Variants in SNX29 observed in about 807,000 individuals in gnomAD.
SNX29 encodes the protein sorting nexin 29.
Under a neutral mutation model 102.1 loss-of-function variants are expected in SNX29, and 78 were observed. That is an observed-to-expected ratio of 0.76 (90% confidence interval 0.64 to 0.92). The LOEUF (loss-of-function observed/expected upper bound fraction) is 0.92, where lower values mean the gene tolerates loss of function less well. SNX29 is among the 40% of genes least tolerant of loss of function. The pLI is 0.00. For missense variants in SNX29, 1,280 were observed against 1,061.7 expected (o/e 1.21, Z -2.86); for synonymous variants, 580 against 414.5 (o/e 1.40, Z -4.85).
rs775436053 is a variant in SNX29, at chr16:12,570,631, A to C, written c.*2002A>C. 1 of 232,236 alleles carries C rather than the reference A, an allele frequency of 4.3e-6. No individual in the cohort carries two copies. Among genetic ancestry groups the C allele is most frequent in the Non-Finnish European group, 8.5e-6 (1 of 117,458 alleles). The allele number at this position is 232,236 out of a possible 1,614,324, so 14.4% of individuals were successfully genotyped here. A position where few individuals can be genotyped will look rare whatever the true frequency, so the allele number is the denominator to read the frequency against. On this transcript the variant is annotated 3_prime_UTR_variant, in exon 21 of 21. Transcript: ENST00000566228. ...CTCCCTGTTCTCTGTTGGATAAAGG[A>C]ACCTCCCCCATCTGTGACATTCCCT... is the stretch of plus-strand genomic sequence containing the variant.
intron 3 of SNX29, among the ~76,000 whole-genome samples, chr16:12,016,461 T>C (rs549943620): frequency 6.6e-6 from 1 of 152,100 alleles, no homozygotes; most frequent in Non-Finnish European, 1.5e-5. Context: ...GGCACAAGAG[T>C]GTCATTGCTA....
intron 15 of SNX29, among the ~76,000 whole-genome samples, chr16:12,318,544 G>A (rs2080829318): frequency 6.6e-6 from 1 of 152,100 alleles, no homozygotes; most frequent in Non-Finnish European, 1.5e-5. Flanking sequence ...CAACTCACAG[G>A]TAGAACCAGG....
At chr16:12,217,624 G>C (rs192947444) in intron 14 of SNX29, among the ~76,000 whole-genome samples, 213 of 152,342 alleles carry the variant, frequency 1.4e-3, no homozygotes, top group African/African-American at 5.0e-3. Flanking sequence ...TGTTTCAGCA[G>C]TAAGATGGCC....
chr16:11,976,955 C>T lies in SNX29; in HGVS notation c.7+142C>T, dbSNP rs943270511. ...TCGCTCCCTTTTCCAGACCCCTGGC[C>T]CCCAGGACTCCCGGCTCGTGGCCCC... On this transcript the variant is annotated intron_variant, in intron 1 of 20. Coordinates refer to ENST00000566228, the MANE Select transcript of SNX29 (RefSeq NM_032167.5). 38 of 1,091,774 alleles carry T rather than the reference C, an allele frequency of 3.5e-5. 1 individual carries two copies. The highest frequency in any genetic ancestry group is 3.5e-4 in the Middle Eastern group (1 of 2,886). The allele number at this position is 1,091,774 out of a possible 1,614,324, so 67.6% of individuals were successfully genotyped here.
intron 11 of SNX29, chr16:12,088,234 C>T (rs1364630035): frequency 9.8e-6 from 4 of 408,436 alleles, no homozygotes; most frequent in Admixed American, 5.3e-5. Context: ...GCTGATCCAG[C>T]ACCTGCAGAA....
chr16:12,526,729 A>T, intron 20 of SNX29: 1 of 464,816 alleles, frequency 2.2e-6, no homozygotes, highest in South Asian at 1.9e-5. Context: ...GATACTCCTG[A>T]TGCTGAGAGT....
chr16:12,202,613 G>A (rs146242768), intron 14 of SNX29, among the ~76,000 whole-genome samples: 7 of 152,306 alleles, frequency 4.6e-5, no homozygotes, highest in African/African-American at 1.7e-4. Flanking sequence ...AATGGCGTTG[G>A]ACACCCTTTC....
chr16:12,224,891 G>T (rs1371830152), intron 14 of SNX29, among the ~76,000 whole-genome samples: 1 of 152,120 alleles, frequency 6.6e-6, no homozygotes, highest in Non-Finnish European at 1.5e-5. Context: ...CAGATCTGTG[G>T]CTGTACATAG....
chr16:12,278,403 ACATT>A (rs1228959897), intron 15 of SNX29, among the ~76,000 whole-genome samples: 1 of 152,182 alleles, frequency 6.6e-6, no homozygotes, highest in Non-Finnish European at 1.5e-5. Flanking sequence ...TTTCAGAAAA[ACATT>A]CATTATCAGA....
chr16:12,279,856 G>T (rs1037825119), intron 15 of SNX29, among the ~76,000 whole-genome samples: 5 of 152,368 alleles, frequency 3.3e-5, no homozygotes, highest in African/African-American at 1.2e-4. Context: ...CAGAATGAAA[G>T]TGCAGGATGA....
At chr16:12,563,039 C>T (rs1012056124) in intron 20 of SNX29, among the ~76,000 whole-genome samples, 1 of 152,104 alleles carries the variant, frequency 6.6e-6, no homozygotes, top group Non-Finnish European at 1.5e-5. Flanking sequence ...ATTGCAAGGG[C>T]CAAGGTCACC....
At chr16:12,386,640 A>C (rs911474473) in intron 16 of SNX29, among the ~76,000 whole-genome samples, 8 of 152,232 alleles carry the variant, frequency 5.3e-5, no homozygotes, top group Non-Finnish European at 1.0e-4. Flanking sequence ...AAAGAAAATA[A>C]TAAAAAATAA....
rs150698908 is a variant in SNX29 at position 12,454,203 on chromosome 16, C to A, written c.2038-23516C>A. On this transcript the variant is annotated intron_variant, in intron 18 of 20. Transcript: ENST00000566228. ...GAATTGAGATATGATAGGTGGAACT[C>A]CAGCAGCCGCCTTGGGCCATGTGGT... Among the ~76,000 whole-genome samples, 9 of 152,244 alleles carry A rather than the reference C, an allele frequency of 5.9e-5. 1 individual carries two copies. The South Asian group carries it at 1.9e-3, about 32-fold the overall frequency.
chr16:12,538,308 G>C (rs530933260), intron 20 of SNX29, among the ~76,000 whole-genome samples: 1 of 152,144 alleles, frequency 6.6e-6, no homozygotes, highest in Non-Finnish European at 1.5e-5. Context: ...TTTTAGTAGA[G>C]AGGGGGTTTC....
Position 12,573,252 on chromosome 16 carries a change from T to C in SNX29, c.*4623T>C, listed in dbSNP as rs1374731106. The C allele has an allele frequency of 1.8e-5, 4 of 227,144 alleles. No homozygotes were observed. Among genetic ancestry groups the C allele is most frequent in the African/African-American group, 8.9e-5 (4 of 45,050 alleles). 14.1% of individuals were successfully genotyped at this position (227,144 alleles called of 1,614,324 possible). A position where few individuals can be genotyped will look rare whatever the true frequency, so the allele number is the denominator to read the frequency against. On this transcript the variant is annotated 3_prime_UTR_variant, in exon 21 of 21. Coordinates refer to ENST00000566228, the MANE Select transcript of SNX29 (RefSeq NM_032167.5). ...CCATGGTTGTTGAAATGTACCTCGATCAGTCATCTCTGGTATTCCTCACTC... is the reference window on the plus strand; with the variant it reads ...CCATGGTTGTTGAAATGTACCTCGACCAGTCATCTCTGGTATTCCTCACTC...
At chr16:12,030,943 T>G (rs2057324510) in intron 4 of SNX29, among the ~76,000 whole-genome samples, 1 of 152,168 alleles carries the variant, frequency 6.6e-6, no homozygotes, top group Non-Finnish European at 1.5e-5. Flanking sequence ...GCCCCTGCCT[T>G]GGGACTCTTG....
chr16:12,429,889 CTA>C (rs1597352105), intron 18 of SNX29, among the ~76,000 whole-genome samples: 1 of 152,144 alleles, frequency 6.6e-6, no homozygotes, highest in Non-Finnish European at 1.5e-5. Flanking sequence ...GCAATCTTGA[CTA>C]TTGTTTTCTT....
chr16:12,017,906 T>C (rs1297656925), intron 3 of SNX29, among the ~76,000 whole-genome samples: 1 of 152,098 alleles, frequency 6.6e-6, no homozygotes, highest in African/African-American at 2.4e-5. Flanking sequence ...GGGCTTTCTT[T>C]TGTTTTGTTC....
At chr16:12,083,362 C>G (rs1414057352) in intron 11 of SNX29, among the ~76,000 whole-genome samples, 1 of 151,564 alleles carries the variant, frequency 6.6e-6, no homozygotes, top group Non-Finnish European at 1.5e-5. Context: ...GGCTGAAAGA[C>G]CAAGATCAAG....
Sources: gnomAD v4.1 joint callset for allele counts (sites outside exome capture counted in the v4.1 genomes callset) on GRCh38, gnomAD v4.1.1 for gene constraint, MANE v1.5 for transcripts, NCBI Gene and HGNC (gene_info 2026-07-23, HGNC 2026-07-21) for gene names.